The following PTK2B variants were observed in gnomAD, a reference collection of about 807,000 sequenced individuals.
PTK2B encodes protein tyrosine kinase 2 beta, also known as protein-tyrosine kinase 2-beta.
In PTK2B, 71 loss-of-function variants were observed where a neutral mutation model predicts 142.9. The ratio of observed to expected loss-of-function variants is 0.50; its 90% CI spans 0.41 to 0.61. The LOEUF (loss-of-function observed/expected upper bound fraction) is 0.61, where lower values mean the gene tolerates loss of function less well. Ranked by LOEUF, PTK2B falls within the 20% of genes least tolerant of loss-of-function variation. The pLI is 0.00. For missense variants in PTK2B, 1,105 were observed against 1,320.4 expected (o/e 0.84, Z 2.53); for synonymous variants, 519 against 503.4 (o/e 1.03, Z -0.42).
intron 5 of PTK2B, among the ~76,000 whole-genome samples, chr8:27,428,425 G>C (rs1468318075): frequency 6.6e-6 from 1 of 152,188 alleles, no homozygotes; most frequent in East Asian, 1.9e-4. Context: ...CCCTTAGCAA[G>C]AACATCCCAT....
At chr8:27,334,581 C>T (rs563832307) in intron 1 of PTK2B, among the ~76,000 whole-genome samples, 179 of 152,306 alleles carry the variant, frequency 1.2e-3, no homozygotes, top group African/African-American at 4.1e-3. Flanking sequence ...TACATTCCTC[C>T]ACAGCAGGGA....
In PTK2B at chr8:27,408,686, G is replaced by A. The variant is rs531294186; in HGVS notation, c.204+10898G>A. ...TCACTGGGGGATCGCTGTCCAGATA[G>A]GTAGTAAAATTTATTAAAATTCTCA... is the stretch of plus-strand genomic sequence containing the variant. On this transcript the variant is annotated intron_variant, in intron 2 of 30. Transcript: ENST00000346049. Among the ~76,000 whole-genome samples, 16 of 152,286 alleles carry A rather than the reference G, an allele frequency of 1.1e-4. 1 individual carries two copies. The highest frequency in any genetic ancestry group is 8.5e-4 in the Admixed American group (13 of 15,298).
intron 5 of PTK2B, 117 bp downstream of exon 5, chr8:27,422,500 A>G: frequency 1.0e-6 from 1 of 980,872 alleles, no homozygotes; most frequent in Non-Finnish European, 1.4e-6. Context: ...CAGGAAGGGG[A>G]GAGGTGGTGA....
upstream of PTK2B, chr8:27,323,253 G>A (rs927267351): frequency 8.5e-5 from 13 of 152,398 alleles, no homozygotes; most frequent in African/African-American, 3.1e-4. Context: ...CTTCTCTTTT[G>A]TTGACATTCA....
At chr8:27,451,671 CT>C in intron 27 of PTK2B, 162 bp downstream of exon 27, 1 of 1,477,192 alleles carries the variant, frequency 6.8e-7, no homozygotes, top group Non-Finnish European at 9.0e-7. Flanking sequence ...CCAGCTTCCC[CT>C]CCGCTCCCTC....
intron 1 of PTK2B, among the ~76,000 whole-genome samples, chr8:27,393,440 T>C (rs2131345860): frequency 6.6e-6 from 1 of 152,228 alleles, no homozygotes; most frequent in Non-Finnish European, 1.5e-5. Context: ...TTAGTGGCTC[T>C]TGAATCAGGG....
In PTK2B at chr8:27,442,971, A is replaced by G. The variant is rs762683622; in HGVS notation, c.2136A>G (p.Glu712=). ...PKILEPTAFQ[E]PPPKPSRPKY... Reference sequence around the variant, plus strand: ...TCTTGGAGCCCACAGCCTTCCAGGAACCCCCACCCAAGGTAAGCCAAGCCA... The same window carrying G: ...TCTTGGAGCCCACAGCCTTCCAGGAGCCCCCACCCAAGGTAAGCCAAGCCA... The change falls in exon 22 of 31, where the codon GAA becomes GAG. Residue 712 remains glutamate (E), a synonymous_variant. Transcript: ENST00000346049. 18 of 1,613,478 alleles carry G rather than the reference A, an allele frequency of 1.1e-5. No individual in the cohort carries two copies. Among genetic ancestry groups the G allele is most frequent in the Non-Finnish European group, 1.5e-5 (18 of 1,179,618 alleles).
intron 1 of PTK2B, among the ~76,000 whole-genome samples, chr8:27,335,065 G>A (rs1034425009): frequency 6.6e-6 from 1 of 152,236 alleles, no homozygotes; most frequent in Admixed American, 6.5e-5. Flanking sequence ...GGCAGAGGGT[G>A]CAATGCTCCG....
chr8:27,363,960 A>C lies in PTK2B; in HGVS notation c.-37-33588A>C, dbSNP rs1235880056. On this transcript the variant is annotated intron_variant, in intron 1 of 30. Coordinates refer to ENST00000346049, the MANE Select transcript of PTK2B (RefSeq NM_173176.3). The surrounding 1 kb of genome is among the most constrained non-coding windows in gnomAD (Gnocchi z 4.3). ...CGGCCGCCTGTCTTGACACATGCGC[A>C]CAAGCAGCTCCCCCAAGTTAAGAGC... Among the ~76,000 whole-genome samples the C allele has an allele frequency of 1.3e-5, 2 of 152,134 alleles. No homozygotes were observed. The highest frequency in any genetic ancestry group is 1.3e-4 in the Admixed American group (2 of 15,284).
chr8:27,331,938 GCC>G (rs1366028205), intron 1 of PTK2B, among the ~76,000 whole-genome samples: 1 of 145,042 alleles, frequency 6.9e-6, no homozygotes, highest in Admixed American at 6.8e-5. Flanking sequence ...CCCAGTCCCC[GCC>G]CCCAGGTCCC....
chr8:27,430,209 T>C, intron 6 of PTK2B, 54 bp downstream of exon 6: 4 of 1,587,346 alleles, frequency 2.5e-6, no homozygotes, highest in Non-Finnish European at 3.5e-6. Flanking sequence ...CATGTGTACT[T>C]TTCCTCCTCA....
chr8:27,343,628 G>A (rs530425674), intron 1 of PTK2B, among the ~76,000 whole-genome samples: 89 of 152,340 alleles, frequency 5.8e-4, no homozygotes, highest in African/African-American at 2.0e-3. Context: ...ACAGAGGTGT[G>A]CTTGACAACC....
At chr8:27,389,179 G>A (rs560983449) in intron 1 of PTK2B, among the ~76,000 whole-genome samples, 74 of 152,162 alleles carry the variant, frequency 4.9e-4, no homozygotes, top group African/African-American at 1.6e-3. Flanking sequence ...TAATAGATGG[G>A]GACCTTCTTC....
chr8:27,437,944 T>C, intron 18 of PTK2B, 64 bp downstream of exon 18: 1 of 1,384,030 alleles, frequency 7.2e-7, no homozygotes, highest in South Asian at 1.2e-5. Flanking sequence ...TCAAGGCCTC[T>C]GGGTAGAAGC....
chr8:27,383,558 C>A (rs1484091643), intron 1 of PTK2B, among the ~76,000 whole-genome samples: 1 of 152,040 alleles, frequency 6.6e-6, no homozygotes, highest in Admixed American at 6.5e-5. Flanking sequence ...CGCGCCTGGC[C>A]TCCTCTGTTT....
intron 1 of PTK2B, among the ~76,000 whole-genome samples, chr8:27,396,847 GCTC>G (rs1251458526): frequency 6.6e-5 from 10 of 152,226 alleles, no homozygotes; most frequent in Non-Finnish European, 1.5e-4. Context: ...TCCCAGCTCA[GCTC>G]CTTCCCATGT....
At chr8:27,330,389 A>T (rs1803674738) in intron 1 of PTK2B, among the ~76,000 whole-genome samples, 1 of 152,232 alleles carries the variant, frequency 6.6e-6, no homozygotes, top group East Asian at 1.9e-4. Flanking sequence ...TCACAAGCAT[A>T]CATCAGGTAT....
chr8:27,437,012 G>A, intron 15 of PTK2B, 110 bp from the exon 16 acceptor site: 1 of 940,228 alleles, frequency 1.1e-6, no homozygotes, highest in South Asian at 1.3e-5. Context: ...ATAGGAGAAA[G>A]GGCCCTTTCC....
chr8:27,420,553 C>A, intron 3 of PTK2B, 104 bp from the exon 4 acceptor site: 1 of 1,083,876 alleles, frequency 9.2e-7, no homozygotes, highest in Non-Finnish European at 1.4e-6. Flanking sequence ...GGCAGCCCTT[C>A]CCTTTGCACT....
Sources: gnomAD v4.1 joint callset for allele counts (sites outside exome capture counted in the v4.1 genomes callset) on GRCh38, gnomAD v4.1.1 for gene constraint, Gnocchi (gnomAD v3.1) non-coding constraint, MANE v1.5 for transcripts, NCBI Gene and HGNC (gene_info 2026-07-23, HGNC 2026-07-21) for gene names.